Variants in KIF7 observed in about 807,000 individuals in gnomAD.
KIF7 encodes the protein kinesin-like protein KIF7.
Under a neutral mutation model 135.7 loss-of-function variants are expected in KIF7, and 104 were observed. The observed-to-expected ratio is 0.77, with a 90% CI of 0.65 to 0.90. The LOEUF is 0.90. Among genes scored for constraint, KIF7 ranks in the 40% least tolerant of loss-of-function variants. The pLI is 0.00. For synonymous variants in KIF7, 883 were observed against 809.4 expected (o/e 1.09, Z -1.54); for missense variants, 2,005 against 1,839.1 (o/e 1.09, Z -1.65).
Position 89,633,243 on chromosome 15 carries a change from T to C in KIF7, c.2616A>G (p.Gln872=), listed in dbSNP as rs2142001437. ...RVKELELKHE[Q]QQKILKIKTE... is the part of the protein sequence containing the mutation. The stretch of plus-strand genomic sequence containing the variant: ...TCTTAATCTTCAGGATCTTCTGCTG[T>C]TGCTCATGCTTCAGCTCCAGCTCCT... Residue 872 remains glutamine (Q), a synonymous_variant, in exon 13 of 19, where the codon CAA becomes CAG. Coordinates refer to ENST00000394412, the MANE Select transcript of KIF7 (RefSeq NM_198525.3). The C allele has an allele frequency of 1.9e-6, 3 of 1,579,566 alleles. No homozygotes were observed. The highest frequency in any genetic ancestry group is 2.6e-6 in the Non-Finnish European group (3 of 1,165,396).
chr15:89,640,114 G>A (rs1267085600), intron 11 of KIF7, among the ~76,000 whole-genome samples: 1 of 151,738 alleles, frequency 6.6e-6, no homozygotes, highest in Non-Finnish European at 1.5e-5. Flanking sequence ...GACACAGGAA[G>A]GGGAACATCA....
rs1450253011 is a variant in KIF7, at chr15:89,649,451, C to A, written c.530-84G>T. On this transcript the variant is annotated intron_variant, in intron 3 of 18. Coordinates refer to ENST00000394412, the MANE Select transcript of KIF7 (RefSeq NM_198525.3). ...AGGGCAGGCAGAGCAGAACTAGCCC[C>A]AAACCTGCCCTTCCTGACCCACTGC... 2.9e-6 allele frequency: 4 copies of A among 1,391,034 alleles called. No homozygotes were observed. In the East Asian group the frequency reaches 1.0e-4, roughly 35 times the overall value. 86.2% of individuals were successfully genotyped at this position (1,391,034 alleles called of 1,614,324 possible). A position where few individuals can be genotyped will look rare whatever the true frequency, so the allele number is the denominator to read the frequency against.
chr15:89,632,756 T>A, intron 14 of KIF7, 64 bp downstream of exon 14: 1 of 1,540,304 alleles, frequency 6.5e-7, no homozygotes, highest in Non-Finnish European at 8.8e-7. Flanking sequence ...TGGCAAGATC[T>A]GTCCTGGCTG....
At chr15:89,618,191 G>C in exon 2 of KIF7, 1 of 1,614,144 alleles carries the variant, frequency 6.2e-7, no homozygotes, top group East Asian at 2.2e-5. Flanking sequence ...TTGTTGAAGA[G>C]TCCCCTGAAA....
At chr15:89,623,976 C>T (rs1335515531), downstream of KIF7, 7 of 1,614,004 alleles carry the variant, frequency 4.3e-6, no homozygotes, top group Non-Finnish European at 5.9e-6. Flanking sequence ...GTCCAGAAAG[C>T]CCCTCCTGTC....
chr15:89,634,850 C>T (rs11073882), intron 11 of KIF7, among the ~76,000 whole-genome samples: 76,973 of 151,942 alleles, frequency 0.51, 20,066 homozygotes, highest in Non-Finnish European at 0.58. Context: ...CTGCCTGCCT[C>T]TGTAGGCTCC....
chr15:89,627,104 C>T (rs750396051), downstream of KIF7: 55 of 1,613,352 alleles, frequency 3.4e-5, no homozygotes, highest in Non-Finnish European at 4.3e-5. Context: ...CATTACTGAG[C>T]CCAAAAGATC....
Position 89,628,538 on chromosome 15 carries a change from G to C in KIF7, c.3913C>G (p.Arg1305Gly), listed in dbSNP as rs756750505. Residue 1305 changes from arginine to glycine, a missense_variant, in exon 19 of 19, where the codon CGG (arginine) becomes GGG (glycine). Transcript: ENST00000394412. ...CCTGCCTCACCCACAGGAAGCACCC[G>C]CCCCACCAGGGGCTCAGCCGCCTCC... The part of the protein sequence containing the change: ...QREAAEPLVG[R>G]VLPVGEAGLP... 16 of 1,613,114 alleles carry C rather than the reference G, an allele frequency of 9.9e-6. No homozygotes were observed. Among genetic ancestry groups the C allele is most frequent in the Middle Eastern group, 1.6e-4 (1 of 6,084 alleles).
At position 89,622,558 on chromosome 15, in the gene KIF7, C is replaced by A. The variant is rs1349220978; in HGVS notation, c.181-4363G>T. On this transcript the variant is annotated intron_variant and NMD_transcript_variant, in intron 1 of 2. Coordinates refer to the KIF7 transcript ENST00000558928. ...AAAAATAATCACCTTTGTTTGGAAA[C>A]TCAGTAAATTGCTTGGAGGTTGGGA... Among the ~76,000 whole-genome samples, 3 of 152,178 alleles carry A rather than the reference C, an allele frequency of 2.0e-5. No individual in the cohort carries two copies. In the East Asian group the frequency reaches 5.8e-4, roughly 29 times the overall value.
chr15:89,646,948 C>A lies in KIF7; in HGVS notation c.1670G>T (p.Gly557Val). 6.2e-7 allele frequency: 1 copy of A among 1,613,874 alleles called. No homozygotes were observed. Among genetic ancestry groups the A allele is most frequent in the Non-Finnish European group, 8.5e-7 (1 of 1,179,956 alleles). ...GPRLLNGLPPGSFVPRPHTAP... is the reference protein window; with the variant it reads ...GPRLLNGLPPVSFVPRPHTAP... ...TGTATGAGGTCGAGGCACAAAGGAC[C>A]CGGGAGGCAGGCCATTCAGGAGCCG... Residue 557 changes from glycine (G) to valine (V), a missense_variant, in exon 7 of 19, where the codon GGG becomes GTG. Coordinates refer to ENST00000394412, the MANE Select transcript of KIF7 (RefSeq NM_198525.3).
At chr15:89,653,477 A>T (rs1964157312) in intron 1 of KIF7, among the ~76,000 whole-genome samples, 1 of 152,200 alleles carries the variant, frequency 6.6e-6, no homozygotes, top group African/African-American at 2.4e-5. Flanking sequence ...TTCTGTTGCT[A>T]AAGCCCTGGT....
At chr15:89,626,950 T>C, downstream of KIF7, 7 of 1,613,726 alleles carry the variant, frequency 4.3e-6, no homozygotes, top group Non-Finnish European at 5.9e-6. Context: ...TTCTACCTTC[T>C]TCTAGATGAG....
chr15:89,641,103 A>C (rs1963912155), intron 11 of KIF7, among the ~76,000 whole-genome samples: 1 of 152,190 alleles, frequency 6.6e-6, no homozygotes, highest in Admixed American at 6.5e-5. Flanking sequence ...GCACCTCAGA[A>C]TATGACTGCG....
At chr15:89,648,941 C>T in intron 4 of KIF7, 33 bp downstream of exon 4, 2 of 1,506,958 alleles carry the variant, frequency 1.3e-6, no homozygotes, top group South Asian at 1.3e-5. Context: ...CTCCCCGGCC[C>T]CCAGGCCACA....
chr15:89,629,496 C>G lies in KIF7; in HGVS notation c.3396G>C (p.Gln1132His). 1 of 1,611,630 alleles carries G rather than the reference C, an allele frequency of 6.2e-7. No individual in the cohort carries two copies. Among genetic ancestry groups the G allele is most frequent in the Non-Finnish European group, 8.5e-7 (1 of 1,180,008 alleles). ...CCACCTCCAGCCAGTACACCAGCCT[C>G]TGCTGCTCCTCCAGCTGCATCTCCA... ...SELEMQLEEQ[Q>H]RLVYWLEVAL... The change falls in exon 17 of 19, where the codon CAG becomes CAC. Residue 1132 changes from glutamine to histidine, a missense_variant. Gln to His is a conservative substitution (Grantham distance 24, BLOSUM62 0). Transcript: ENST00000394412.
chr15:89,627,493 G>A (rs190449774), downstream of KIF7: 6 of 198,212 alleles, frequency 3.0e-5, no homozygotes, highest in Admixed American at 1.1e-4. Flanking sequence ...CACAGGCAGC[G>A]CTTTGTAAAC....
At chr15:89,654,463 C>T (rs1964177177) in intron 1 of KIF7, among the ~76,000 whole-genome samples, 1 of 152,124 alleles carries the variant, frequency 6.6e-6, no homozygotes. Context: ...TCATCCCTCC[C>T]GGCTGAGGCT....
At chr15:89,655,604 G>A (rs563075209), upstream of KIF7, among the ~76,000 whole-genome samples, 84 of 152,244 alleles carry the variant, frequency 5.5e-4, no homozygotes, top group Non-Finnish European at 1.1e-3. Flanking sequence ...CGGGGCCCGT[G>A]CTCAAGGGCT....
downstream of KIF7, chr15:89,626,121 G>A: frequency 6.3e-7 from 1 of 1,587,878 alleles, no homozygotes; most frequent in Non-Finnish European, 8.6e-7. Context: ...ATTCACCAGG[G>A]TTGCCAGGCA....
Sources: allele counts gnomAD v4.1 joint callset (sites outside exome capture counted in the v4.1 genomes callset), GRCh38; gene constraint gnomAD v4.1.1; transcripts MANE v1.5; gene names NCBI Gene and HGNC (gene_info 2026-07-23, HGNC 2026-07-21).